Variants in ANK3 observed in about 807,000 individuals in gnomAD.
ANK3 encodes the protein ankyrin-3.
ANK3 carries 57 observed loss-of-function variants against 370.9 expected under a neutral mutation model. The ratio of observed to expected loss-of-function variants is 0.15; its 90% CI spans 0.12 to 0.19. The LOEUF is 0.19. Ranked by LOEUF, ANK3 falls within the 10% of genes least tolerant of loss-of-function variation. The pLI, the probability that ANK3 is intolerant of heterozygous loss-of-function variation, is 1.00. For missense variants in ANK3, 4,439 were observed against 5,302.1 expected (o/e 0.84, Z 5.06); for synonymous variants, 1,929 against 1,946.3 (o/e 0.99, Z 0.23).
chr10:60,063,715 A>C (rs2081065604), intron 39 of ANK3, among the ~76,000 whole-genome samples: 1 of 152,164 alleles, frequency 6.6e-6, no homozygotes, highest in South Asian at 2.1e-4. Flanking sequence ...CAGCCAACAA[A>C]ACCAAACCCA....
At chr10:60,568,659 A>C (rs146698061) in intron 2 of ANK3, among the ~76,000 whole-genome samples, 345 of 152,276 alleles carry the variant, frequency 2.3e-3, no homozygotes, top group African/African-American at 7.4e-3. Context: ...ATGATTTATT[A>C]AGCACACCTA....
At chr10:60,581,341 G>T (rs1392491261) in intron 2 of ANK3, among the ~76,000 whole-genome samples, 1 of 151,564 alleles carries the variant, frequency 6.6e-6, no homozygotes, top group Non-Finnish European at 1.5e-5. Context: ...ATGATTAGGG[G>T]TACCAAGCAT....
At chr10:60,346,765 T>C (rs1183836963) in intron 1 of ANK3, among the ~76,000 whole-genome samples, 1 of 152,048 alleles carries the variant, frequency 6.6e-6, no homozygotes, top group Non-Finnish European at 1.5e-5. Context: ...TCTTTTGCCC[T>C]AGGCCCAGAG....
intron 1 of ANK3, among the ~76,000 whole-genome samples, chr10:60,282,290 C>A (rs563941021): frequency 3.4e-4 from 51 of 152,116 alleles, no homozygotes; most frequent in Non-Finnish European, 5.7e-4. Flanking sequence ...AAGAAAAAAG[C>A]CTTTGAATTG....
intron 23 of ANK3, among the ~76,000 whole-genome samples, chr10:60,142,040 C>T (rs1482634221): frequency 1.3e-5 from 2 of 152,146 alleles, no homozygotes; most frequent in Non-Finnish European, 2.9e-5. Flanking sequence ...GTCTGTATTT[C>T]GAATCGAAAC....
chr10:60,444,374 T>A (rs568912944), intron 2 of ANK3, among the ~76,000 whole-genome samples: 6 of 150,932 alleles, frequency 4.0e-5, no homozygotes, highest in Non-Finnish European at 5.9e-5. Context: ...ATATAACATA[T>A]AAGTGTATAT....
At chr10:60,340,235 A>C (rs1011457961) in intron 1 of ANK3, among the ~76,000 whole-genome samples, 4 of 152,146 alleles carry the variant, frequency 2.6e-5, no homozygotes, top group African/African-American at 2.4e-5. Flanking sequence ...ATATTTGAGA[A>C]CCACTGGTCT....
intron 23 of ANK3, among the ~76,000 whole-genome samples, chr10:60,158,172 A>G (rs1214930546): frequency 6.6e-6 from 1 of 152,204 alleles, no homozygotes; most frequent in Non-Finnish European, 1.5e-5. Context: ...CCAGACAAAC[A>G]AAAGCTGAGA....
chr10:60,153,797 T>A lies in ANK3; in HGVS notation c.2614+12794A>T, dbSNP rs147856075. On this transcript the variant is annotated intron_variant, in intron 23 of 43. Coordinates refer to ENST00000280772, the MANE Select transcript of ANK3 (RefSeq NM_020987.5). ...TCAACTATTCCTTGAGATGCAGATATGCTTTGGGAGAGTCATTATAAAGCT... is the reference window on the plus strand; with the variant it reads ...TCAACTATTCCTTGAGATGCAGATAAGCTTTGGGAGAGTCATTATAAAGCT... Among the ~76,000 whole-genome samples, 11 of 152,330 alleles carry A rather than the reference T, an allele frequency of 7.2e-5. No individual in the cohort carries two copies. The East Asian group carries it at 2.1e-3, about 29-fold the overall frequency.
intron 2 of ANK3, among the ~76,000 whole-genome samples, chr10:60,425,362 T>C (rs1462010100): frequency 6.6e-6 from 1 of 152,098 alleles, no homozygotes; most frequent in Non-Finnish European, 1.5e-5. Context: ...GACAAAACTA[T>C]AAAATAAGTA....
intron 2 of ANK3, among the ~76,000 whole-genome samples, chr10:60,475,007 C>G (rs2075022379): frequency 6.6e-6 from 1 of 151,824 alleles, no homozygotes; most frequent in South Asian, 2.1e-4. Flanking sequence ...CTTGTTAACC[C>G]CAAACCTTTA....
At chr10:60,435,060 G>C (rs1413507160) in intron 2 of ANK3, among the ~76,000 whole-genome samples, 1 of 152,124 alleles carries the variant, frequency 6.6e-6, no homozygotes, top group Non-Finnish European at 1.5e-5. Flanking sequence ...TTTTCCTATG[G>C]ACCAACCTCA....
intron 1 of ANK3, among the ~76,000 whole-genome samples, chr10:60,350,044 T>C (rs1398515215): frequency 5.9e-5 from 9 of 152,192 alleles, no homozygotes; most frequent in East Asian, 3.9e-4. Context: ...ATCACAGTGA[T>C]GGCCTCATTT....
At chr10:60,483,669 G>A (rs1053063682) in intron 2 of ANK3, among the ~76,000 whole-genome samples, 3 of 152,006 alleles carry the variant, frequency 2.0e-5, no homozygotes, top group East Asian at 1.9e-4. Context: ...TTAGGCTTTC[G>A]CTTTTAATGA....
intron 1 of ANK3, among the ~76,000 whole-genome samples, chr10:60,639,031 C>A (rs1361161314): frequency 6.6e-6 from 1 of 151,448 alleles, no homozygotes; most frequent in Non-Finnish European, 1.5e-5. Context: ...TCAACAAACC[C>A]CAAATAGAAT....
intron 38 of ANK3, among the ~76,000 whole-genome samples, chr10:60,067,213 C>T (rs1564734305): frequency 6.6e-6 from 1 of 152,074 alleles, no homozygotes; most frequent in South Asian, 2.1e-4. Flanking sequence ...TAGAATTCAA[C>T]TTTTGTGAAT....
chr10:60,334,912 G>A (rs1216715358), intron 1 of ANK3, among the ~76,000 whole-genome samples: 1 of 152,112 alleles, frequency 6.6e-6, no homozygotes, highest in Non-Finnish European at 1.5e-5. Context: ...TATATCTGGA[G>A]TGGAAGGTGG....
chr10:60,487,719 C>G, intron 2 of ANK3, among the ~76,000 whole-genome samples: 1 of 96,534 alleles, frequency 1.0e-5, no homozygotes, highest in Non-Finnish European at 2.4e-5. Context: ...GATGATGTTG[C>G]ATTTTTTTTT....
At chr10:60,466,894 C>T (rs892491272) in intron 2 of ANK3, among the ~76,000 whole-genome samples, 1 of 152,098 alleles carries the variant, frequency 6.6e-6, no homozygotes, top group Non-Finnish European at 1.5e-5. Context: ...TCACTAGTCA[C>T]CTATAGGGCT....
Sources: gnomAD v4.1 joint callset for allele counts (sites outside exome capture counted in the v4.1 genomes callset) on GRCh38, gnomAD v4.1.1 for gene constraint, MANE v1.5 for transcripts, NCBI Gene and HGNC (gene_info 2026-07-23, HGNC 2026-07-21) for gene names.